Variants in SORT1 observed in about 807,000 individuals in gnomAD.
SORT1 encodes the protein sortilin 1, also known as sortilin.
In SORT1, 39 loss-of-function variants were observed where a neutral mutation model predicts 101.7. The ratio of observed to expected loss-of-function variants is 0.38; its 90% CI spans 0.30 to 0.50. The LOEUF (loss-of-function observed/expected upper bound fraction) is 0.50, where lower values mean the gene tolerates loss of function less well. Among genes scored for constraint, SORT1 ranks in the 20% least tolerant of loss-of-function variants. SORT1 has a pLI of 0.90. For missense variants in SORT1, 878 were observed against 1,040.4 expected (o/e 0.84, Z 2.15); for synonymous variants, 396 against 393.7 (o/e 1.01, Z -0.07).
intron 11 of SORT1, among the ~76,000 whole-genome samples, chr1:109,328,453 T>C (rs1347650369): frequency 6.6e-6 from 1 of 152,256 alleles, no homozygotes; most frequent in Non-Finnish European, 1.5e-5. Flanking sequence ...ATTGTGGTTT[T>C]GACTTGCATT....
chr1:109,388,350 C>T (rs1453792442), intron 1 of SORT1, among the ~76,000 whole-genome samples: 1 of 152,048 alleles, frequency 6.6e-6, no homozygotes, highest in Non-Finnish European at 1.5e-5. Context: ...GTGATCCCCT[C>T]ACCTCAGACT....
intron 1 of SORT1, among the ~76,000 whole-genome samples, chr1:109,382,700 G>A (rs894059242): frequency 6.6e-6 from 1 of 152,180 alleles, no homozygotes; most frequent in Admixed American, 6.5e-5. Flanking sequence ...CTCGGTAGGG[G>A]AGCTCTGGGA....
At chr1:109,379,249 A>G (rs985599093) in intron 1 of SORT1, among the ~76,000 whole-genome samples, 2 of 152,078 alleles carry the variant, frequency 1.3e-5, no homozygotes, top group Admixed American at 1.3e-4. Flanking sequence ...CTGGCAGAAA[A>G]ATTGTCTTGG....
intron 15 of SORT1, among the ~76,000 whole-genome samples, chr1:109,321,934 G>A (rs1228024723): frequency 1.3e-5 from 2 of 152,034 alleles, no homozygotes; most frequent in African/African-American, 2.4e-5. Flanking sequence ...TGAACTCTAG[G>A]GAGTCCACTT....
chr1:109,352,427 G>T (rs778104932), intron 5 of SORT1, among the ~76,000 whole-genome samples: 15 of 152,154 alleles, frequency 9.9e-5, no homozygotes, highest in Non-Finnish European at 1.8e-4. Context: ...GGAGGGATTG[G>T]CCAATAGTTT....
At chr1:109,331,457 G>A (rs1346561279) in intron 11 of SORT1, among the ~76,000 whole-genome samples, 2 of 151,050 alleles carry the variant, frequency 1.3e-5, no homozygotes, top group Non-Finnish European at 3.0e-5. Flanking sequence ...GTATAAAAGG[G>A]ATATACCTCA....
intron 1 of SORT1, among the ~76,000 whole-genome samples, chr1:109,376,827 C>G (rs1370380696): frequency 6.6e-6 from 1 of 152,118 alleles, no homozygotes; most frequent in Non-Finnish European, 1.5e-5. Context: ...ATCCCAGCAT[C>G]GCACAATATA....
chr1:109,314,805 A>C (rs762168195), intron 17 of SORT1, 27 bp from the exon 18 acceptor site: 1 of 1,359,442 alleles, frequency 7.4e-7, no homozygotes, highest in Non-Finnish European at 1.1e-6. Flanking sequence ...ACAAACACAA[A>C]AGTTTTAGGC....
intron 3 of SORT1, 149 bp from the exon 4 acceptor site, chr1:109,355,618 C>A: frequency 2.1e-6 from 1 of 470,642 alleles, no homozygotes; most frequent in Non-Finnish European, 3.8e-6. Flanking sequence ...CAGAGGTGCC[C>A]TGGTGAGTCC....
chr1:109,362,878 T>C (rs1650820017), intron 3 of SORT1, among the ~76,000 whole-genome samples: 2 of 152,132 alleles, frequency 1.3e-5, no homozygotes, highest in Non-Finnish European at 2.9e-5. Flanking sequence ...GCAGTCATTG[T>C]TAACAATCTA....
chr1:109,337,506 G>C (rs542930472), intron 10 of SORT1, among the ~76,000 whole-genome samples: 1 of 152,260 alleles, frequency 6.6e-6, no homozygotes, highest in African/African-American at 2.4e-5. Flanking sequence ...GCCTCCCGAA[G>C]TGCTGGGATT....
intron 11 of SORT1, among the ~76,000 whole-genome samples, chr1:109,335,447 T>G (rs938853177): frequency 4.0e-5 from 6 of 150,764 alleles, no homozygotes; most frequent in Non-Finnish European, 5.9e-5. Context: ...AGGAGGAGAG[T>G]GTGTTGGGGT....
At chr1:109,379,684 C>T (rs985855585) in intron 1 of SORT1, among the ~76,000 whole-genome samples, 1 of 152,076 alleles carries the variant, frequency 6.6e-6, no homozygotes, top group South Asian at 2.1e-4. Context: ...TTGATTCTAC[C>T]AGGAGCAGAT....
chr1:109,341,661 T>A (rs1435360902), intron 9 of SORT1, among the ~76,000 whole-genome samples: 1 of 152,122 alleles, frequency 6.6e-6, no homozygotes. Context: ...AAACCCCTAA[T>A]TTTTTGTCAT....
intron 2 of SORT1, 74 bp from the exon 3 acceptor site, chr1:109,367,555 G>T: frequency 1.1e-6 from 1 of 935,234 alleles, no homozygotes; most frequent in Non-Finnish European, 1.7e-6. Context: ...TCGAGATTAA[G>T]CCAACACCTA....
Position 109,340,838 on chromosome 1 carries a change from T to C in SORT1, c.1150A>G (p.Ile384Val), listed in dbSNP as rs1005193742. Residue 384 changes from isoleucine to valine, a missense_variant, in exon 10 of 20, where the codon ATT (isoleucine) becomes GTT (valine). This residue lies in a region of SORT1 where 684 missense variants were observed against 894.5 expected (regional missense o/e 0.76). Coordinates refer to ENST00000256637, the MANE Select transcript of SORT1 (RefSeq NM_002959.7). ...CGGTCCAAAGACTTGGAATAGACAA[T>C]GCCTCGATCATCTGAGGTAAAGATT... Reference protein sequence around the residue: ...GTIFTSDDRGIVYSKSLDRHL... With the variant: ...GTIFTSDDRGVVYSKSLDRHL... 1.9e-6 allele frequency: 3 copies of C among 1,613,956 alleles called. No individual in the cohort carries two copies. Among genetic ancestry groups the C allele is most frequent in the Non-Finnish European group, 2.5e-6 (3 of 1,179,900 alleles).
Position 109,313,972 on chromosome 1 carries a change from G to T in SORT1, c.*71C>A. 6.8e-7 allele frequency: 1 copy of T among 1,475,808 alleles called. No individual in the cohort carries two copies. Among genetic ancestry groups the T allele is most frequent in the Non-Finnish European group, 9.4e-7 (1 of 1,063,582 alleles). The allele number at this position is 1,475,808 out of a possible 1,614,324, so 91.4% of individuals were successfully genotyped here. A position where few individuals can be genotyped will look rare whatever the true frequency, so the allele number is the denominator to read the frequency against. On this transcript the variant is annotated 3_prime_UTR_variant, in exon 20 of 20. Transcript: ENST00000256637. ...CGCAATGGGAAATTTATTTCCTGAA[G>T]TTGGAGCCACAGGGAGTGTAAGAGG...
chr1:109,396,055 G>A (rs1261378415), intron 1 of SORT1, among the ~76,000 whole-genome samples: 1 of 152,032 alleles, frequency 6.6e-6, no homozygotes, highest in African/African-American at 2.4e-5. Flanking sequence ...CTGCATTCCA[G>A]CCTGGGCAAC....
At chr1:109,333,477 A>G (rs1648594772) in intron 11 of SORT1, among the ~76,000 whole-genome samples, 1 of 152,200 alleles carries the variant, frequency 6.6e-6, no homozygotes, top group African/African-American at 2.4e-5. Context: ...GAGAAGACAA[A>G]CAATACACAG....
Sources: allele counts gnomAD v4.1 joint callset (sites outside exome capture counted in the v4.1 genomes callset), GRCh38; gene constraint gnomAD v4.1.1; regional missense constraint gnomAD v4.1.1; transcripts MANE v1.5; gene names NCBI Gene and HGNC (gene_info 2026-07-23, HGNC 2026-07-21).